The following HSD17B12 variants were observed in gnomAD, a reference collection of about 807,000 sequenced individuals.
The protein encoded by HSD17B12 is very-long-chain 3-oxoacyl-CoA reductase.
A neutral mutation model predicts 39.3 loss-of-function variants in HSD17B12; 32 were observed. That is an observed-to-expected ratio of 0.81 (90% CI 0.61 to 1.09). The LOEUF is 1.09. Among genes scored for constraint, HSD17B12 ranks in the 50% least tolerant of loss-of-function variants. The probability of loss-of-function intolerance (pLI) is 0.00; values close to 1 mark genes in which losing one functional copy is unlikely to be tolerated. For missense variants in HSD17B12, 342 were observed against 382.9 expected, an observed-to-expected ratio of 0.89 and a Z score of 0.89; for synonymous variants, 150 against 146.7, an observed-to-expected ratio of 1.02 and a Z score of -0.16.
intron 3 of HSD17B12, among the ~76,000 whole-genome samples, chr11:43,783,141 A>G (rs1950782150): frequency 6.6e-6 from 1 of 152,242 alleles, no homozygotes; most frequent in South Asian, 2.1e-4. Flanking sequence ...TGGTAGCTAA[A>G]TGCATTGGGT....
intron 1 of HSD17B12, among the ~76,000 whole-genome samples, chr11:43,707,396 C>A (rs143378150): frequency 1.3e-5 from 2 of 152,340 alleles, no homozygotes; most frequent in African/African-American, 2.4e-5. Flanking sequence ...TTTCTCGATA[C>A]GTTGACATTT....
At chr11:43,787,382 G>T (rs1026744902) in intron 3 of HSD17B12, among the ~76,000 whole-genome samples, 1 of 152,160 alleles carries the variant, frequency 6.6e-6, no homozygotes, top group Non-Finnish European at 1.5e-5. Flanking sequence ...TGAACAGAAA[G>T]ATTATTCTAC....
chr11:43,573,285 C>T, the HSD17B12 span, among the ~76,000 whole-genome samples: 105 of 152,326 alleles, frequency 6.9e-4, no homozygotes, highest in South Asian at 0.012. Flanking sequence ...AAGCCAATTT[C>T]ACCAGCTCCA....
the HSD17B12 span, among the ~76,000 whole-genome samples, chr11:43,598,764 G>A: frequency 6.6e-6 from 1 of 152,176 alleles, no homozygotes; most frequent in African/African-American, 2.4e-5. Context: ...CCACGTCAGA[G>A]TGGGGTATGC....
intron 3 of HSD17B12, chr11:43,755,546 G>A (rs1950500868): frequency 6.6e-6 from 1 of 152,194 alleles, no homozygotes; most frequent in South Asian, 2.1e-4. Flanking sequence ...ATCTCTATGA[G>A]TCCTTGTTTT....
chr11:43,835,908 A>G (rs973118864), intron 7 of HSD17B12, among the ~76,000 whole-genome samples: 7 of 152,270 alleles, frequency 4.6e-5, no homozygotes, highest in African/African-American at 1.7e-4. Context: ...TTGTATTTTA[A>G]TATGGGAAAG....
At chr11:43,792,109 T>C (rs1465191894) in intron 3 of HSD17B12, among the ~76,000 whole-genome samples, 1 of 152,166 alleles carries the variant, frequency 6.6e-6, no homozygotes, top group Non-Finnish European at 1.5e-5. Context: ...CAGGCTTTCT[T>C]TGTTGGGGGA....
chr11:43,649,524 T>C, the HSD17B12 span, among the ~76,000 whole-genome samples: 134,756 of 152,178 alleles, frequency 0.89, 61,184 homozygotes, highest in Non-Finnish European at 0.98. Flanking sequence ...TATAAATCAA[T>C]AGAAAAAAAT....
the HSD17B12 span, among the ~76,000 whole-genome samples, chr11:43,660,561 G>C: frequency 7.0e-4 from 107 of 152,280 alleles, no homozygotes; most frequent in African/African-American, 2.3e-3. Context: ...ATACTAAGTG[G>C]TGTTGAAGAT....
chr11:43,563,147 G>A, the HSD17B12 span, among the ~76,000 whole-genome samples: 4 of 152,050 alleles, frequency 2.6e-5, no homozygotes, highest in Non-Finnish European at 5.9e-5. Context: ...TAGCCCCTAC[G>A]GACTTATTAA....
chr11:43,767,708 T>C (rs1304817559), intron 3 of HSD17B12, among the ~76,000 whole-genome samples: 3 of 152,224 alleles, frequency 2.0e-5, no homozygotes, highest in Non-Finnish European at 4.4e-5. Context: ...TTTTCACATA[T>C]TTGAATTATT....
At chr11:43,695,045 A>T (rs1209943805) in intron 1 of HSD17B12, among the ~76,000 whole-genome samples, 1 of 151,898 alleles carries the variant, frequency 6.6e-6, no homozygotes, top group Admixed American at 6.6e-5. Context: ...AATTAGCCCC[A>T]AGTGGTGGCA....
intron 3 of HSD17B12, among the ~76,000 whole-genome samples, chr11:43,776,922 G>A (rs1451174168): frequency 6.6e-6 from 1 of 152,106 alleles, no homozygotes. Flanking sequence ...TTGTAGATAT[G>A]CGGCGTTATT....
chr11:43,592,935 T>C, the HSD17B12 span, among the ~76,000 whole-genome samples: 1 of 152,302 alleles, frequency 6.6e-6, no homozygotes, highest in East Asian at 1.9e-4. Flanking sequence ...CAAAAGATCC[T>C]CACTGGTTGA....
intron 3 of HSD17B12, among the ~76,000 whole-genome samples, chr11:43,778,764 G>A (rs547367903): frequency 6.6e-6 from 1 of 151,862 alleles, no homozygotes; most frequent in East Asian, 1.9e-4. Context: ...ATGCAGAAAA[G>A]GCCTTTGACA....
chr11:43,802,374 T>A (rs370746194), intron 4 of HSD17B12, among the ~76,000 whole-genome samples: 1 of 152,190 alleles, frequency 6.6e-6, no homozygotes, highest in Non-Finnish European at 1.5e-5. Flanking sequence ...TACAAAAAAA[T>A]TTAAAAATAT....
chr11:43,636,304 A>T, the HSD17B12 span, among the ~76,000 whole-genome samples: 1 of 152,130 alleles, frequency 6.6e-6, no homozygotes, highest in Non-Finnish European at 1.5e-5. Context: ...TGCTCTTCCA[A>T]AACTGCTGCT....
chr11:43,741,865 C>T (rs1950368341), intron 1 of HSD17B12, among the ~76,000 whole-genome samples: 2 of 149,020 alleles, frequency 1.3e-5, no homozygotes, highest in African/African-American at 2.5e-5. Flanking sequence ...TCCCAAGCAG[C>T]TGGGACTACA....
the HSD17B12 span, among the ~76,000 whole-genome samples, chr11:43,573,172 C>T: frequency 3.9e-4 from 59 of 152,298 alleles, no homozygotes; most frequent in African/African-American, 1.4e-3. Flanking sequence ...TCACCTTGGA[C>T]AGGTTCCACA....
Sources: gnomAD v4.1 joint callset for allele counts (sites outside exome capture counted in the v4.1 genomes callset) on GRCh38, gnomAD v4.1.1 for gene constraint, MANE v1.5 for transcripts, NCBI Gene and HGNC (gene_info 2026-07-23, HGNC 2026-07-21) for gene names.